The following FRMD5 variants were observed in gnomAD, a reference collection of about 807,000 sequenced individuals.
FRMD5 encodes the protein FERM domain containing 5.
FRMD5 carries 20 observed loss-of-function variants against 69.0 expected under a neutral mutation model. The ratio of observed to expected loss-of-function variants is 0.29; its 90% CI spans 0.20 to 0.42. The LOEUF is 0.42. Among genes scored for constraint, FRMD5 ranks in the 10% least tolerant of loss-of-function variants. The pLI is 1.00. For synonymous variants in FRMD5, 271 were observed against 260.1 expected, an observed-to-expected ratio of 1.04 and a Z score of -0.40; for missense variants, 595 against 708.6, an observed-to-expected ratio of 0.84 and a Z score of 1.82.
intron 1 of FRMD5, among the ~76,000 whole-genome samples, chr15:44,180,655 G>A (rs189472869): frequency 2.0e-3 from 310 of 152,056 alleles, no homozygotes; most frequent in African/African-American, 7.2e-3. Flanking sequence ...CGTGGTGGTG[G>A]GCACCTTTAA....
At chr15:44,040,468 T>A (rs1351682637) in intron 1 of FRMD5, among the ~76,000 whole-genome samples, 2 of 152,120 alleles carry the variant, frequency 1.3e-5, no homozygotes, top group Non-Finnish European at 2.9e-5. Context: ...GCAGATCTCT[T>A]GACAGAAACC....
At chr15:43,970,730 G>A (rs947592962) in intron 1 of FRMD5, among the ~76,000 whole-genome samples, 6 of 152,178 alleles carry the variant, frequency 3.9e-5, no homozygotes, top group African/African-American at 1.4e-4. Flanking sequence ...TGGGATTACA[G>A]GCGTGAGCCA....
intron 1 of FRMD5, among the ~76,000 whole-genome samples, chr15:43,994,840 A>C (rs747555348): frequency 2.0e-5 from 3 of 152,230 alleles, no homozygotes; most frequent in Non-Finnish European, 4.4e-5. Context: ...TACTTTTACC[A>C]GTGAGTTTGT....
intron 6 of FRMD5, among the ~76,000 whole-genome samples, chr15:43,905,449 CTTTT>C (rs141333280): frequency 0.037 from 5,643 of 152,178 alleles, 143 homozygotes; most frequent in Non-Finnish European, 0.058. Flanking sequence ...TTTCTTTCAT[CTTTT>C]TTATCTTATG....
At chr15:44,078,502 C>T (rs528381480) in intron 1 of FRMD5, among the ~76,000 whole-genome samples, 1 of 152,252 alleles carries the variant, frequency 6.6e-6, no homozygotes, top group East Asian at 1.9e-4. Flanking sequence ...AAATTGATGT[C>T]TCACATTTCC....
At chr15:44,157,982 G>T (rs766220715) in intron 1 of FRMD5, among the ~76,000 whole-genome samples, 1 of 152,168 alleles carries the variant, frequency 6.6e-6, no homozygotes, top group African/African-American at 2.4e-5. Flanking sequence ...TTTGTTCAGT[G>T]TAAATGGAGT....
chr15:44,090,632 G>T (rs940429566), intron 1 of FRMD5, among the ~76,000 whole-genome samples: 4 of 151,912 alleles, frequency 2.6e-5, no homozygotes, highest in Admixed American at 2.6e-4. Context: ...TAGAGATGGG[G>T]TTTTACTGTA....
intron 1 of FRMD5, among the ~76,000 whole-genome samples, chr15:44,068,305 A>T (rs927933312): frequency 6.6e-6 from 1 of 152,242 alleles, no homozygotes; most frequent in Non-Finnish European, 1.5e-5. Context: ...TCATAGCAGC[A>T]TTATACATGA....
intron 1 of FRMD5, among the ~76,000 whole-genome samples, chr15:43,940,923 A>C (rs2089851482): frequency 6.6e-6 from 1 of 152,226 alleles, no homozygotes; most frequent in Non-Finnish European, 1.5e-5. Context: ...TGAATTAATT[A>C]AGGAAATAAT....
chr15:43,901,345 T>C (rs2089041410), intron 7 of FRMD5, among the ~76,000 whole-genome samples: 1 of 152,192 alleles, frequency 6.6e-6, no homozygotes, highest in Non-Finnish European at 1.5e-5. Flanking sequence ...TTCTTTTAAT[T>C]TTTGCTTGAA....
At chr15:43,922,432 C>T (rs2089510038) in intron 2 of FRMD5, among the ~76,000 whole-genome samples, 1 of 152,206 alleles carries the variant, frequency 6.6e-6, no homozygotes, top group Non-Finnish European at 1.5e-5. Flanking sequence ...TTGTGTGCAG[C>T]GCAGAGCCTG....
At chr15:44,149,869 T>A (rs2077415622) in intron 1 of FRMD5, among the ~76,000 whole-genome samples, 1 of 152,088 alleles carries the variant, frequency 6.6e-6, no homozygotes, top group Non-Finnish European at 1.5e-5. Context: ...CAATACCCCA[T>A]ATGAACATTT....
intron 1 of FRMD5, among the ~76,000 whole-genome samples, chr15:44,109,001 AAAATAAAATAAAATAAAAT>A (rs1250275512): frequency 5.4e-5 from 8 of 147,724 alleles, no homozygotes; most frequent in African/African-American, 2.1e-4. Context: ...AAAATAAAAT[AAAATAAAATAAAATAAAAT>A]GTTTGCCAAT....
chr15:44,096,299 C>T (rs1476864453), intron 1 of FRMD5, among the ~76,000 whole-genome samples: 1 of 151,158 alleles, frequency 6.6e-6, no homozygotes, highest in Non-Finnish European at 1.5e-5. Context: ...CACACTTATG[C>T]TATATAAACA....
At chr15:44,063,480 T>C (rs1893178826) in intron 1 of FRMD5, 1 of 263,554 alleles carries the variant, frequency 3.8e-6, no homozygotes, top group East Asian at 1.0e-4. Flanking sequence ...AGCATCTTCT[T>C]GTGCAGGGCC....
At chr15:44,052,623 G>A (rs931075771) in intron 1 of FRMD5, among the ~76,000 whole-genome samples, 1 of 152,128 alleles carries the variant, frequency 6.6e-6, no homozygotes, top group African/African-American at 2.4e-5. Context: ...GAGACCAGAA[G>A]TCCTTTCACT....
intron 1 of FRMD5, among the ~76,000 whole-genome samples, chr15:44,033,056 C>T (rs1487451406): frequency 6.6e-6 from 1 of 152,178 alleles, no homozygotes; most frequent in African/African-American, 2.4e-5. Context: ...ATGTCTTTTG[C>T]AGGAACATGG....
chr15:43,996,580 G>A (rs528749900), intron 1 of FRMD5, among the ~76,000 whole-genome samples: 2 of 151,988 alleles, frequency 1.3e-5, no homozygotes, highest in South Asian at 4.2e-4. Context: ...TGATATTTCT[G>A]TGAGGTGATG....
At position 43,891,906 on chromosome 15, in the gene FRMD5, A is replaced by G. The variant is rs1019242344; in HGVS notation, c.728+75T>C. On this transcript the variant is annotated intron_variant, in intron 8 of 13. Transcript: ENST00000417257. Reference sequence around the variant, plus strand: ...GAACCAGAACTGCCCAATCACAGACAAAGGACACGGGAACCGTCGCCCCTC... The same window carrying G: ...GAACCAGAACTGCCCAATCACAGACGAAGGACACGGGAACCGTCGCCCCTC... 6.4e-6 allele frequency: 8 copies of G among 1,245,010 alleles called. No homozygotes were observed. The East Asian group carries it at 2.0e-4, about 30-fold the overall frequency. The allele number at this position is 1,245,010 out of a possible 1,614,324, so 77.1% of individuals were successfully genotyped here.
Sources: allele counts gnomAD v4.1 joint callset (sites outside exome capture counted in the v4.1 genomes callset), GRCh38; gene constraint gnomAD v4.1.1; transcripts MANE v1.5; gene names NCBI Gene and HGNC (gene_info 2026-07-23, HGNC 2026-07-21).